Variants in RIT2 observed in about 807,000 individuals in gnomAD.
RIT2 encodes GTP-binding protein Rit2.
RIT2 carries 24 observed loss-of-function variants against 23.7 expected under a neutral mutation model. The ratio of observed to expected loss-of-function variants is 1.01; its 90% CI spans 0.73 to 1.43. The LOEUF (loss-of-function observed/expected upper bound fraction) is 1.43, where lower values mean the gene tolerates loss of function less well. RIT2 is among the 40% of genes most tolerant of loss of function. The probability of loss-of-function intolerance (pLI) is 0.00; values close to 1 mark genes in which losing one functional copy is unlikely to be tolerated. For missense variants in RIT2, 236 were observed against 266.9 expected, an observed-to-expected ratio of 0.88 and a Z score of 0.81; for synonymous variants, 107 against 91.1, an observed-to-expected ratio of 1.17 and a Z score of -0.99.
intron 4 of RIT2, among the ~76,000 whole-genome samples, chr18:42,867,974 C>T (rs1252679757): frequency 1.3e-5 from 2 of 152,142 alleles, no homozygotes; most frequent in Non-Finnish European, 2.9e-5. Flanking sequence ...CACTGTGTGG[C>T]CAGTGCTGAA....
At chr18:43,086,384 A>G (rs1013812627) in intron 1 of RIT2, among the ~76,000 whole-genome samples, 5 of 152,232 alleles carry the variant, frequency 3.3e-5, no homozygotes, top group Admixed American at 1.3e-4. Context: ...ATGAATTCCT[A>G]GAAACATGCA....
At chr18:43,085,089 T>C (rs1031833681) in intron 1 of RIT2, among the ~76,000 whole-genome samples, 2 of 152,068 alleles carry the variant, frequency 1.3e-5, no homozygotes, top group African/African-American at 4.8e-5. Flanking sequence ...GAGGAAATGC[T>C]GTAGTGGCTT....
intron 4 of RIT2, among the ~76,000 whole-genome samples, chr18:42,777,448 A>C (rs1285946368): frequency 6.6e-6 from 1 of 152,174 alleles, no homozygotes; most frequent in East Asian, 1.9e-4. Context: ...GGAACCAACA[A>C]AGAAGACTTA....
chr18:42,833,223 A>G (rs1467566484), intron 4 of RIT2, among the ~76,000 whole-genome samples: 1 of 152,152 alleles, frequency 6.6e-6, no homozygotes, highest in East Asian at 1.9e-4. Context: ...CAGCTCCTGC[A>G]TATGAGTGAG....
chr18:43,050,250 C>G (rs1016795740), intron 1 of RIT2, among the ~76,000 whole-genome samples: 1 of 151,840 alleles, frequency 6.6e-6, no homozygotes, highest in Non-Finnish European at 1.5e-5. Flanking sequence ...TGGCTGGTCT[C>G]AAACTCCTGG....
At chr18:42,758,680 A>ATTTTTTT (rs11371811) in intron 4 of RIT2, among the ~76,000 whole-genome samples, 1 of 139,846 alleles carries the variant, frequency 7.2e-6, no homozygotes. Flanking sequence ...CACCCGGCTA[A>ATTTTTTT]TTTTTTTTTT....
chr18:43,003,294 G>A (rs560307098), intron 2 of RIT2, among the ~76,000 whole-genome samples: 1 of 152,058 alleles, frequency 6.6e-6, no homozygotes, highest in Non-Finnish European at 1.5e-5. Context: ...ACATATTTAA[G>A]AGAACAGAAA....
At chr18:42,978,150 A>C (rs554589736) in intron 2 of RIT2, among the ~76,000 whole-genome samples, 32 of 152,006 alleles carry the variant, frequency 2.1e-4, no homozygotes, top group Non-Finnish European at 4.1e-4. Context: ...TGAGTAATCT[A>C]GGTGAGAACT....
At chr18:42,927,576 A>C (rs1263793821) in intron 3 of RIT2, among the ~76,000 whole-genome samples, 1 of 151,946 alleles carries the variant, frequency 6.6e-6, no homozygotes, top group African/African-American at 2.4e-5. Flanking sequence ...AAAGATCCCT[A>C]TACTTTCTGT....
intron 4 of RIT2, among the ~76,000 whole-genome samples, chr18:42,751,391 A>G (rs750149831): frequency 5.9e-5 from 9 of 151,906 alleles, no homozygotes; most frequent in Non-Finnish European, 1.0e-4. Context: ...AAACACATAC[A>G]TATTTATAAA....
At chr18:42,867,123 C>T (rs901898291) in intron 4 of RIT2, among the ~76,000 whole-genome samples, 3 of 152,150 alleles carry the variant, frequency 2.0e-5, no homozygotes, top group Admixed American at 1.3e-4. Flanking sequence ...TAATCTCCCA[C>T]TGATTTGCTT....
At chr18:42,906,068 C>T (rs1908612585) in intron 4 of RIT2, among the ~76,000 whole-genome samples, 1 of 146,174 alleles carries the variant, frequency 6.8e-6, no homozygotes, top group South Asian at 2.2e-4. Flanking sequence ...ACTTATTTTT[C>T]CAGCAATGTT....
chr18:43,109,521 C>A (rs1037426178), intron 1 of RIT2, among the ~76,000 whole-genome samples: 5 of 152,158 alleles, frequency 3.3e-5, no homozygotes, highest in Admixed American at 3.3e-4. Context: ...TCTCCCCATA[C>A]TTTTCTTCTT....
At chr18:42,898,552 T>A (rs919628556) in intron 4 of RIT2, among the ~76,000 whole-genome samples, 1 of 152,210 alleles carries the variant, frequency 6.6e-6, no homozygotes, top group Admixed American at 6.5e-5. Context: ...AACTCCAAGA[T>A]AACTTTGAGT....
chr18:42,929,398 T>A (rs767248301), intron 3 of RIT2, among the ~76,000 whole-genome samples: 1 of 152,052 alleles, frequency 6.6e-6, no homozygotes, highest in East Asian at 1.9e-4. Context: ...TACTCAATAA[T>A]ACTGACGGAA....
intron 2 of RIT2, among the ~76,000 whole-genome samples, chr18:42,996,185 T>C (rs2144235196): frequency 6.6e-6 from 1 of 152,230 alleles, no homozygotes; most frequent in Non-Finnish European, 1.5e-5. Flanking sequence ...CAAATGTTTC[T>C]TCTAACAGTC....
chr18:42,829,486 C>T (rs755604871), intron 4 of RIT2, among the ~76,000 whole-genome samples: 2 of 152,086 alleles, frequency 1.3e-5, no homozygotes, highest in Non-Finnish European at 2.9e-5. Context: ...CTGGTTGAGC[C>T]TAAATTGCAA....
At chr18:42,786,181 A>G (rs1398490374) in intron 4 of RIT2, among the ~76,000 whole-genome samples, 4 of 151,724 alleles carry the variant, frequency 2.6e-5, no homozygotes, top group African/African-American at 9.7e-5. Flanking sequence ...GGCTCAATGT[A>G]TTGACAATTA....
chr18:43,063,241 G>T (rs561700703), intron 1 of RIT2, among the ~76,000 whole-genome samples: 1 of 152,036 alleles, frequency 6.6e-6, no homozygotes, highest in African/African-American at 2.4e-5. Context: ...GAGAAGGGGT[G>T]GTTTAAAACA....
Sources: gnomAD v4.1 joint callset for allele counts (sites outside exome capture counted in the v4.1 genomes callset) on GRCh38, gnomAD v4.1.1 for gene constraint, MANE v1.5 for transcripts, NCBI Gene and HGNC (gene_info 2026-07-23, HGNC 2026-07-21) for gene names.